The following DCP1B variants were observed in gnomAD, a reference collection of about 807,000 sequenced individuals.
DCP1B encodes decapping mRNA 1B.
Under a neutral mutation model 60.5 loss-of-function variants are expected in DCP1B, and 47 were observed. The ratio of observed to expected loss-of-function variants is 0.78; its 90% CI spans 0.61 to 0.99. The LOEUF is 0.99. Among genes scored for constraint, DCP1B ranks in the 50% least tolerant of loss-of-function variants. DCP1B has a pLI of 0.00. For synonymous variants in DCP1B, 267 were observed against 280.3 expected, an observed-to-expected ratio of 0.95 and a Z score of 0.47; for missense variants, 725 against 756.8, an observed-to-expected ratio of 0.96 and a Z score of 0.49.
chr12:1,941,887 G>A (rs1233396634), downstream of DCP1B, among the ~76,000 whole-genome samples: 1 of 151,962 alleles, frequency 6.6e-6, no homozygotes. Flanking sequence ...TCAACTAACG[G>A]GCAAAATAAC....
At chr12:1,964,711 A>G (rs926823733) in intron 5 of DCP1B, among the ~76,000 whole-genome samples, 33 of 152,196 alleles carry the variant, frequency 2.2e-4, no homozygotes, top group Non-Finnish European at 4.4e-5. Flanking sequence ...TATCATCTTT[A>G]TCATATCCTA....
At chr12:1,945,280 A>G (rs565788940), downstream of DCP1B, among the ~76,000 whole-genome samples, 106 of 152,358 alleles carry the variant, frequency 7.0e-4, no homozygotes, top group African/African-American at 2.5e-3. Context: ...AGGAAACAAC[A>G]GATGCTGGAG....
chr12:2,002,717 G>A (rs907966332), intron 1 of DCP1B, among the ~76,000 whole-genome samples: 1 of 152,166 alleles, frequency 6.6e-6, no homozygotes, highest in East Asian at 1.9e-4. Flanking sequence ...TACATCCCTG[G>A]TCCTCATCTC....
rs2030546119 is a variant in DCP1B at position 1,948,954 on chromosome 12, G to C, written c.1773+132C>G. 1 of 1,213,446 alleles carries C rather than the reference G, an allele frequency of 8.2e-7. No homozygotes were observed. The highest frequency in any genetic ancestry group is 1.5e-5 in the South Asian group (1 of 66,032). 75.2% of individuals were successfully genotyped at this position (1,213,446 alleles called of 1,614,324 possible). Reference sequence around the variant, plus strand: ...CTGAGCACAGAAGCCGCTGGGGTCAGGATGAGTTGTTACACACACCTGTTA... The same window carrying C: ...CTGAGCACAGAAGCCGCTGGGGTCACGATGAGTTGTTACACACACCTGTTA... On this transcript the variant is annotated intron_variant, in intron 8 of 8. Transcript: ENST00000280665. The surrounding 1 kb of genome is among the most constrained non-coding windows in gnomAD (Gnocchi z 4.8).
intron 3 of DCP1B, among the ~76,000 whole-genome samples, chr12:1,985,073 T>C (rs1272214234): frequency 6.6e-6 from 1 of 152,116 alleles, no homozygotes; most frequent in Non-Finnish European, 1.5e-5. Context: ...AGCAGTTTGA[T>C]TGTGACTGTC....
At chr12:1,976,951 G>A (rs1272775620) in intron 3 of DCP1B, among the ~76,000 whole-genome samples, 1 of 152,118 alleles carries the variant, frequency 6.6e-6, no homozygotes, top group Non-Finnish European at 1.5e-5. Flanking sequence ...AGGGGTTTGT[G>A]ACTCACAGAA....
At chr12:1,951,246 G>GCCTGGGCGA (rs2030657319) in intron 7 of DCP1B, among the ~76,000 whole-genome samples, 2 of 152,172 alleles carry the variant, frequency 1.3e-5, no homozygotes, top group South Asian at 4.1e-4. Flanking sequence ...TTGTACTCCA[G>GCCTGGGCGA]CCTGGGCGAC....
At chr12:1,981,111 C>T (rs2035996947) in intron 3 of DCP1B, among the ~76,000 whole-genome samples, 1 of 152,156 alleles carries the variant, frequency 6.6e-6, no homozygotes, top group Non-Finnish European at 1.5e-5. Flanking sequence ...GTATGGCATT[C>T]TCACAACTCA....
intron 2 of DCP1B, 104 bp downstream of exon 2, chr12:1,997,831 C>T (rs1367204569): frequency 4.2e-6 from 4 of 959,792 alleles, no homozygotes; most frequent in Non-Finnish European, 4.8e-6. Context: ...AATTCTTTTA[C>T]TTCTTTTTGA....
In DCP1B at chr12:1,971,672, AG is replaced by A. The variant is rs2032329614; in HGVS notation, c.320-3763del. Among the ~76,000 whole-genome samples, 1 of 152,232 alleles carries A rather than the reference AG, an allele frequency of 6.6e-6. No individual in the cohort carries two copies. The highest frequency in any genetic ancestry group is 2.4e-5 in the African/African-American group (1 of 41,468). On this transcript the variant is annotated intron_variant, in intron 3 of 8. Transcript: ENST00000280665. The surrounding 1 kb of genome is among the most constrained non-coding windows in gnomAD (Gnocchi z 4.2). ...AAGAGGCTAGTTAAGGGGCCATTAA[AG>A]GCAGTGTCATGTCAGCGTCATTCAA...
intron 3 of DCP1B, among the ~76,000 whole-genome samples, chr12:1,979,602 G>A (rs1028756733): frequency 3.3e-5 from 5 of 152,230 alleles, no homozygotes; most frequent in East Asian, 1.9e-4. Context: ...GTGAGCCACC[G>A]TGCCCAGCCC....
intron 4 of DCP1B, 63 bp from the exon 5 acceptor site, chr12:1,965,756 AC>A: frequency 6.5e-7 from 1 of 1,534,424 alleles, no homozygotes. Context: ...AATGTTTAAA[AC>A]CATCCCAATT....
At chr12:1,979,910 A>G (rs2035613525) in intron 3 of DCP1B, among the ~76,000 whole-genome samples, 1 of 152,246 alleles carries the variant, frequency 6.6e-6, no homozygotes, top group Non-Finnish European at 1.5e-5. Context: ...GGTAAAATGC[A>G]AATTAAAATC....
At chr12:2,004,257 A>G in intron 1 of DCP1B, 25 bp downstream of exon 1, 1 of 1,612,114 alleles carries the variant, frequency 6.2e-7, no homozygotes, top group Non-Finnish European at 8.5e-7. Flanking sequence ...CCTGGGCTGC[A>G]CTGCTCCGCC....
At chr12:1,959,676 T>G (rs2031048744) in intron 5 of DCP1B, among the ~76,000 whole-genome samples, 1 of 152,214 alleles carries the variant, frequency 6.6e-6, no homozygotes, top group African/African-American at 2.4e-5. Flanking sequence ...AATAGCATGT[T>G]GGGCCAGGTG....
intron 5 of DCP1B, among the ~76,000 whole-genome samples, chr12:1,960,006 T>C (rs1233283646): frequency 6.7e-6 from 1 of 150,134 alleles, no homozygotes; most frequent in African/African-American, 2.5e-5. Context: ...AAATTAGAAA[T>C]AGAACTACCA....
At chr12:1,957,150 C>A (rs1382432363) in intron 5 of DCP1B, among the ~76,000 whole-genome samples, 1 of 152,200 alleles carries the variant, frequency 6.6e-6, no homozygotes, top group Non-Finnish European at 1.5e-5. Context: ...ATTTTGTATG[C>A]TTTTCCCGAC....
intron 3 of DCP1B, among the ~76,000 whole-genome samples, chr12:1,969,814 T>C (rs374826854): frequency 1.3e-5 from 2 of 152,168 alleles, no homozygotes; most frequent in African/African-American, 4.8e-5. Context: ...CTGAGTATGT[T>C]TGCGTGTCTT....
At chr12:1,980,436 T>A (rs2035771702) in intron 3 of DCP1B, among the ~76,000 whole-genome samples, 1 of 152,148 alleles carries the variant, frequency 6.6e-6, no homozygotes, top group South Asian at 2.1e-4. Flanking sequence ...TGTCTTTCTG[T>A]TGTTAATTTC....
Sources: allele counts gnomAD v4.1 joint callset (sites outside exome capture counted in the v4.1 genomes callset), GRCh38; gene constraint gnomAD v4.1.1; non-coding constraint Gnocchi (gnomAD v3.1); transcripts MANE v1.5; gene names NCBI Gene and HGNC (gene_info 2026-07-23, HGNC 2026-07-21).